Variants in AOPEP observed in about 807,000 individuals in gnomAD.
AOPEP encodes the protein aminopeptidase O (putative).
AOPEP carries 77 observed loss-of-function variants against 98.1 expected under a neutral mutation model. The ratio of observed to expected loss-of-function variants is 0.78; its 90% CI spans 0.65 to 0.95. The LOEUF (loss-of-function observed/expected upper bound fraction) is 0.95. Ranked by LOEUF, AOPEP falls within the 40% of genes least tolerant of loss-of-function variation. AOPEP has a pLI of 0.00. For synonymous variants in AOPEP, 346 were observed against 365.3 expected, an observed-to-expected ratio of 0.95 and a Z score of 0.60; for missense variants, 1,024 against 1,024.7, an observed-to-expected ratio of 1.00 and a Z score of 0.01.
intron 5 of AOPEP, among the ~76,000 whole-genome samples, chr9:94,898,842 C>T (rs1404643893): frequency 1.4e-5 from 2 of 145,290 alleles, no homozygotes; most frequent in Non-Finnish European, 3.0e-5. Context: ...ACTCAGGAGG[C>T]TGAGGCAGGA....
At chr9:95,001,366 C>T (rs1002866448) in intron 11 of AOPEP, among the ~76,000 whole-genome samples, 6 of 152,202 alleles carry the variant, frequency 3.9e-5, no homozygotes, top group East Asian at 1.9e-4. Context: ...TCAAAACATG[C>T]GTATCTACTG....
At chr9:94,944,971 C>T (rs559337275) in intron 7 of AOPEP, among the ~76,000 whole-genome samples, 2 of 152,040 alleles carry the variant, frequency 1.3e-5, no homozygotes, top group East Asian at 3.9e-4. Context: ...CTCATAATAC[C>T]CCTGTAGCCT....
At chr9:94,805,591 C>T (rs1369473814) in intron 5 of AOPEP, among the ~76,000 whole-genome samples, 1 of 151,994 alleles carries the variant, frequency 6.6e-6, no homozygotes, top group East Asian at 1.9e-4. Context: ...TCACAACATG[C>T]TTCACTATGA....
intron 14 of AOPEP, among the ~76,000 whole-genome samples, chr9:95,063,368 C>CT (rs2067505024): frequency 6.6e-6 from 1 of 152,216 alleles, no homozygotes; most frequent in African/African-American, 2.4e-5. Flanking sequence ...TTTCTGACCT[C>CT]TTTCCCCCAG....
At chr9:94,985,401 A>C (rs2060458466) in intron 11 of AOPEP, among the ~76,000 whole-genome samples, 3 of 152,266 alleles carry the variant, frequency 2.0e-5, no homozygotes, top group Non-Finnish European at 4.4e-5. Flanking sequence ...TTGATAAGAC[A>C]GTATGCAGGA....
At chr9:94,827,298 T>C (rs1321264587) in intron 5 of AOPEP, among the ~76,000 whole-genome samples, 1 of 152,212 alleles carries the variant, frequency 6.6e-6, no homozygotes, top group African/African-American at 2.4e-5. Flanking sequence ...TTAACAACTC[T>C]GTAAAGTAAG....
chr9:95,103,629 A>G, the AOPEP span, among the ~76,000 whole-genome samples: 460 of 152,326 alleles, frequency 3.0e-3, 3 homozygotes, highest in African/African-American at 0.011. Flanking sequence ...GCCAGGAGCC[A>G]GAGAGGCAGG....
intron 5 of AOPEP, among the ~76,000 whole-genome samples, chr9:94,909,756 G>T (rs1165565025): frequency 6.6e-6 from 1 of 152,240 alleles, no homozygotes; most frequent in Non-Finnish European, 1.5e-5. Context: ...GGCAAGGGGT[G>T]TCTGTTGGTT....
intron 14 of AOPEP, among the ~76,000 whole-genome samples, chr9:95,068,387 G>A (rs1311538764): frequency 1.3e-5 from 2 of 152,130 alleles, no homozygotes; most frequent in South Asian, 2.1e-4. Flanking sequence ...CCCCACTGTC[G>A]TCGTCATTCC....
chr9:95,100,232 G>A, the AOPEP span: 13 of 224,884 alleles, frequency 5.8e-5, no homozygotes, highest in African/African-American at 7.9e-5. Context: ...CCATGAGCAC[G>A]AAGCATGTTA....
the AOPEP span, among the ~76,000 whole-genome samples, chr9:95,096,824 T>C: frequency 6.6e-6 from 1 of 152,264 alleles, no homozygotes; most frequent in Non-Finnish European, 1.5e-5. Context: ...AGAGCTTGCC[T>C]GGCTGTTCAT....
At chr9:94,826,806 G>A (rs1414492339) in intron 5 of AOPEP, among the ~76,000 whole-genome samples, 1 of 152,142 alleles carries the variant, frequency 6.6e-6, no homozygotes, top group Non-Finnish European at 1.5e-5. Context: ...CACAAGGGTA[G>A]TGGTGGCAGT....
chr9:94,767,671 T>C (rs898086484), intron 2 of AOPEP, among the ~76,000 whole-genome samples: 7 of 152,226 alleles, frequency 4.6e-5, no homozygotes, highest in Non-Finnish European at 8.8e-5. Context: ...GAGAAATAAC[T>C]GTCTTTGCCT....
chr9:94,788,264 A>T (rs1844877076), intron 3 of AOPEP, among the ~76,000 whole-genome samples: 1 of 152,014 alleles, frequency 6.6e-6, no homozygotes, highest in African/African-American at 2.4e-5. Context: ...TTTTTTGTAG[A>T]GATGGGATCC....
chr9:94,975,914 A>C (rs1173817677), intron 10 of AOPEP, among the ~76,000 whole-genome samples: 1 of 152,190 alleles, frequency 6.6e-6, no homozygotes, highest in Non-Finnish European at 1.5e-5. Context: ...CGGAGTCTGC[A>C]CACTACTGCA....
intron 1 of AOPEP, among the ~76,000 whole-genome samples, chr9:94,740,975 G>A (rs1832935961): frequency 1.3e-5 from 2 of 152,208 alleles, no homozygotes; most frequent in Non-Finnish European, 2.9e-5. Context: ...TAGGGCTGGT[G>A]AGGAAAGTTT....
chr9:95,103,655 T>C, the AOPEP span, among the ~76,000 whole-genome samples: 1 of 152,152 alleles, frequency 6.6e-6, no homozygotes, highest in Non-Finnish European at 1.5e-5. Flanking sequence ...CGCAGGGACG[T>C]TGGGCAGGGC....
chr9:94,945,894 G>C (rs902790894), intron 7 of AOPEP, among the ~76,000 whole-genome samples: 4 of 151,912 alleles, frequency 2.6e-5, no homozygotes, highest in African/African-American at 9.7e-5. Flanking sequence ...GTAATTTTCA[G>C]GTTCTCTGTA....
At chr9:94,912,568 C>G (rs888983216) in intron 5 of AOPEP, among the ~76,000 whole-genome samples, 14 of 152,146 alleles carry the variant, frequency 9.2e-5, no homozygotes, top group Admixed American at 2.0e-4. Flanking sequence ...CATGGCTGAC[C>G]GTGTGAGACC....
Sources: allele counts gnomAD v4.1 joint callset (sites outside exome capture counted in the v4.1 genomes callset), GRCh38; gene constraint gnomAD v4.1.1; transcripts MANE v1.5; gene names NCBI Gene and HGNC (gene_info 2026-07-23, HGNC 2026-07-21).